NOS1AP: variants seen among roughly 807,000 people sequenced by gnomAD.
NOS1AP encodes the protein nitric oxide synthase 1 adaptor protein.
NOS1AP carries 21 observed loss-of-function variants against 56.2 expected under a neutral mutation model. The ratio of observed to expected loss-of-function variants is 0.37; its 90% CI spans 0.26 to 0.54. The LOEUF is 0.54. Among genes scored for constraint, NOS1AP ranks in the 20% least tolerant of loss-of-function variants. The pLI, the probability that NOS1AP is intolerant of heterozygous loss-of-function variation, is 0.84. For synonymous variants in NOS1AP, 270 were observed against 274.6 expected, an observed-to-expected ratio of 0.98 and a Z score of 0.17; for missense variants, 522 against 657.8, an observed-to-expected ratio of 0.79 and a Z score of 2.26.
chr1:162,367,259 A>T lies in NOS1AP; in HGVS notation c.1313A>T (p.Asp438Val). ...TGCTTTCGCTTTCTTCCGCCCGAGG[A>T]CACCCCGCCCCCAGCGCAGGGCGAG... ...LECFRFLPPE[D>V]TPPPAQGEAL... The change falls in exon 10 of 10, where the codon GAC (aspartate) becomes GTC (valine). Residue 438 changes from aspartate to valine, a missense_variant. This residue lies in a region of NOS1AP where 160 missense variants were observed against 180.3 expected (regional missense o/e 0.89). Transcript: ENST00000361897. The surrounding 1 kb of genome is among the most constrained non-coding windows in gnomAD (Gnocchi z 6.5). 6.2e-7 allele frequency: 1 copy of T among 1,613,634 alleles called. No homozygotes were observed. The highest frequency in any genetic ancestry group is 1.1e-5 in the South Asian group (1 of 91,076).
chr1:162,233,155 C>T (rs1159275735), intron 2 of NOS1AP, among the ~76,000 whole-genome samples: 1 of 152,188 alleles, frequency 6.6e-6, no homozygotes, highest in Non-Finnish European at 1.5e-5. Flanking sequence ...CAAGCACTGG[C>T]ATTTCTAAGT....
At chr1:162,148,392 G>A (rs899267961) in intron 1 of NOS1AP, among the ~76,000 whole-genome samples, 2 of 152,224 alleles carry the variant, frequency 1.3e-5, no homozygotes, top group African/African-American at 4.8e-5. Flanking sequence ...TGGAGGTATG[G>A]GAGTCCTCTC....
At chr1:162,309,539 A>C (rs1165075725) in intron 4 of NOS1AP, among the ~76,000 whole-genome samples, 1 of 152,228 alleles carries the variant, frequency 6.6e-6, no homozygotes, top group African/African-American at 2.4e-5. Context: ...AAGGTAGAAG[A>C]AATCCTGGGC....
At chr1:162,355,040 C>T (rs1657653229) in intron 6 of NOS1AP, 147 bp from the exon 7 acceptor site, 4 of 846,822 alleles carry the variant, frequency 4.7e-6, no homozygotes, top group South Asian at 4.4e-5. Context: ...TGCACTTTAA[C>T]GTACTTGAGT....
At chr1:162,209,620 A>G (rs1652280729) in intron 2 of NOS1AP, among the ~76,000 whole-genome samples, 1 of 152,208 alleles carries the variant, frequency 6.6e-6, no homozygotes, top group African/African-American at 2.4e-5. Context: ...CTGTGACTTG[A>G]AAACATTATT....
chr1:162,337,305 T>C (rs1270888358), intron 5 of NOS1AP, among the ~76,000 whole-genome samples: 1 of 152,222 alleles, frequency 6.6e-6, no homozygotes, highest in Non-Finnish European at 1.5e-5. Context: ...AATAATTTCC[T>C]CCTATAATGC....
chr1:162,131,854 C>T (rs1648764701), intron 1 of NOS1AP, among the ~76,000 whole-genome samples: 2 of 152,144 alleles, frequency 1.3e-5, no homozygotes, highest in South Asian at 4.1e-4. Context: ...GCATTATTCC[C>T]TGTACTGCTG....
chr1:162,321,048 G>T (rs1374418061), intron 4 of NOS1AP, among the ~76,000 whole-genome samples: 2 of 152,044 alleles, frequency 1.3e-5, no homozygotes, highest in Non-Finnish European at 2.9e-5. Flanking sequence ...TTCTCCTAGG[G>T]TGTTTATGGT....
At position 162,132,608 on chromosome 1, in the gene NOS1AP, G is replaced by C. The variant is rs577224186; in HGVS notation, c.106-21797G>C. ...TATTTAATGATAGCACTTAATAATTGCTCAGCCTAATCTTAGCTCATTAAA... is the reference window on the plus strand; with the variant it reads ...TATTTAATGATAGCACTTAATAATTCCTCAGCCTAATCTTAGCTCATTAAA... On this transcript the variant is annotated intron_variant, in intron 1 of 9. Transcript: ENST00000361897. Among the ~76,000 whole-genome samples the C allele has an allele frequency of 3.9e-5, 6 of 152,326 alleles. No individual in the cohort carries two copies. In the East Asian group the frequency reaches 9.6e-4, roughly 24 times the overall value.
chr1:162,108,095 A>G (rs888497360), intron 1 of NOS1AP, among the ~76,000 whole-genome samples: 1 of 152,228 alleles, frequency 6.6e-6, no homozygotes, highest in Admixed American at 6.5e-5. Context: ...CGGCCCAGTA[A>G]CAATGAGCAT....
chr1:162,135,230 C>G (rs1355631540), intron 1 of NOS1AP, among the ~76,000 whole-genome samples: 3 of 152,126 alleles, frequency 2.0e-5, no homozygotes, highest in African/African-American at 7.2e-5. Context: ...AGACAGATGT[C>G]ATGTCTTTTG....
intron 2 of NOS1AP, among the ~76,000 whole-genome samples, chr1:162,272,341 CA>C (rs1350135861): frequency 6.6e-6 from 1 of 152,126 alleles, no homozygotes; most frequent in Non-Finnish European, 1.5e-5. Flanking sequence ...GTGTGGAGAA[CA>C]GGATGGGAAT....
chr1:162,349,220 A>G (rs1217328234), intron 6 of NOS1AP, among the ~76,000 whole-genome samples: 7 of 152,078 alleles, frequency 4.6e-5, no homozygotes, highest in Non-Finnish European at 8.8e-5. Context: ...AAGACCTTCA[A>G]CTGATTGGAT....
intron 2 of NOS1AP, among the ~76,000 whole-genome samples, chr1:162,196,166 C>T (rs1651799534): frequency 6.6e-6 from 1 of 152,138 alleles, no homozygotes; most frequent in African/African-American, 2.4e-5. Context: ...CTTGGTCTTG[C>T]CTTTCCCCCA....
At chr1:162,231,056 GA>G (rs1340268480) in intron 2 of NOS1AP, among the ~76,000 whole-genome samples, 4 of 151,750 alleles carry the variant, frequency 2.6e-5, no homozygotes, top group African/African-American at 9.7e-5. Flanking sequence ...AATTTTTTGA[GA>G]AACCACTATT....
chr1:162,102,097 T>C (rs1647303326), intron 1 of NOS1AP, among the ~76,000 whole-genome samples: 1 of 152,210 alleles, frequency 6.6e-6, no homozygotes, highest in Admixed American at 6.5e-5. Flanking sequence ...GCATGGCTCT[T>C]ATTATTTTGA....
chr1:162,257,335 G>A (rs888870065), intron 2 of NOS1AP, among the ~76,000 whole-genome samples: 3 of 152,066 alleles, frequency 2.0e-5, no homozygotes, highest in Non-Finnish European at 4.4e-5. Context: ...GCTGCTGGAG[G>A]TAGCTACTGA....
rs188030971 is a variant in NOS1AP at position 162,176,177 on chromosome 1, A to T, written c.177+21701A>T. Among the ~76,000 whole-genome samples the T allele has an allele frequency of 7.5e-3, 1,146 of 152,178 alleles. 4 individuals carry two copies. The highest frequency in any genetic ancestry group is 0.01 in the Non-Finnish European group (699 of 67,980). On this transcript the variant is annotated intron_variant, in intron 2 of 9. Coordinates refer to ENST00000361897, the MANE Select transcript of NOS1AP (RefSeq NM_014697.3). ...GGCCTCCCACTCAATGATTTTTTTTAAAAAATTTGCATGCATTTAGGTTTA... is the reference window on the plus strand; with the variant it reads ...GGCCTCCCACTCAATGATTTTTTTTTAAAAATTTGCATGCATTTAGGTTTA...
chr1:162,348,328 G>A (rs766144348), intron 6 of NOS1AP, among the ~76,000 whole-genome samples: 1 of 152,232 alleles, frequency 6.6e-6, no homozygotes, highest in Non-Finnish European at 1.5e-5. Context: ...TAGAAATGAG[G>A]TGAGACTGGG....
Sources: gnomAD v4.1 joint callset for allele counts (sites outside exome capture counted in the v4.1 genomes callset) on GRCh38, gnomAD v4.1.1 for gene constraint, gnomAD v4.1.1 regional missense constraint, Gnocchi (gnomAD v3.1) non-coding constraint, MANE v1.5 for transcripts, NCBI Gene and HGNC (gene_info 2026-07-23, HGNC 2026-07-21) for gene names.